The following AGBL1 variants were observed in gnomAD, a reference collection of about 807,000 sequenced individuals.
The protein encoded by AGBL1 is cytosolic carboxypeptidase 4.
In AGBL1, 130 loss-of-function variants were observed where a neutral mutation model predicts 118.9. The ratio of observed to expected loss-of-function variants is 1.09; its 90% confidence interval spans 0.95 to 1.26. The LOEUF (loss-of-function observed/expected upper bound fraction) is 1.26, where lower values mean the gene tolerates loss of function less well. Ranked by LOEUF, AGBL1 falls within the 50% of genes most tolerant of loss-of-function variation. AGBL1 has a pLI of 0.00. For missense variants in AGBL1, 1,584 were observed against 1,298.1 expected, an observed-to-expected ratio of 1.22 and a Z score of -3.38; for synonymous variants, 555 against 478.9, an observed-to-expected ratio of 1.16 and a Z score of -2.08.
chr15:86,828,776 T>C (rs1164947563), intron 22 of AGBL1, among the ~76,000 whole-genome samples: 1 of 151,846 alleles, frequency 6.6e-6, no homozygotes, highest in Non-Finnish European at 1.5e-5. Context: ...GCAATAGCCA[T>C]AAGAAAGGAA....
At chr15:86,469,774 C>G (rs138076393) in intron 18 of AGBL1, among the ~76,000 whole-genome samples, 3 of 152,136 alleles carry the variant, frequency 2.0e-5, no homozygotes, top group Non-Finnish European at 4.4e-5. Flanking sequence ...ACTATTCTCA[C>G]TGGTATGAGG....
intron 24 of AGBL1, among the ~76,000 whole-genome samples, chr15:87,004,135 A>AAAT (rs1364394719): frequency 6.6e-6 from 1 of 152,122 alleles, no homozygotes; most frequent in East Asian, 1.9e-4. Context: ...ACACTGCTTT[A>AAAT]AATATGTCCC....
intron 22 of AGBL1, among the ~76,000 whole-genome samples, chr15:86,782,185 G>A (rs184358407): frequency 6.6e-6 from 1 of 151,944 alleles, no homozygotes; most frequent in East Asian, 1.9e-4. Context: ...AATAATTAGA[G>A]CCTTAACTCT....
In AGBL1 at chr15:86,908,509, A is replaced by G. The variant is rs1371920176; in HGVS notation, c.*1215A>G. ...GGCAACAGAGCAAGACTCTGTCTCAAACAACAACAACAACAACGACGACAA... is the reference window on the plus strand; with the variant it reads ...GGCAACAGAGCAAGACTCTGTCTCAGACAACAACAACAACAACGACGACAA... On this transcript the variant is annotated 3_prime_UTR_variant, in exon 23 of 23. Coordinates refer to ENST00000614907, the MANE Select transcript of AGBL1 (RefSeq NM_001386094.1). 6.6e-6 allele frequency: 1 copy of G among 151,888 alleles called. No homozygotes were observed. Among genetic ancestry groups the G allele is most frequent in the African/African-American group, 2.4e-5 (1 of 41,216 alleles). 9.4% of individuals were successfully genotyped at this position (151,888 alleles called of 1,614,324 possible).
rs535470264 is a variant in AGBL1, at chr15:86,856,981, C to G, written c.3159-50106C>G. Among the ~76,000 whole-genome samples, 96 of 152,296 alleles carry G rather than the reference C, an allele frequency of 6.3e-4. 1 individual carries two copies. The highest frequency in any genetic ancestry group is 2.2e-3 in the African/African-American group (92 of 41,558). On this transcript the variant is annotated intron_variant, in intron 22 of 22. Coordinates refer to ENST00000614907, the MANE Select transcript of AGBL1 (RefSeq NM_001386094.1). ...GTGCTCTCTTCTGTGCCTACCTGGTCTTCTTCCAGTGGTCCTACGTCCCAG... is the reference window on the plus strand; with the variant it reads ...GTGCTCTCTTCTGTGCCTACCTGGTGTTCTTCCAGTGGTCCTACGTCCCAG...
chr15:86,098,554 A>G (rs1227421025), intron 1 of AGBL1, among the ~76,000 whole-genome samples: 1 of 152,148 alleles, frequency 6.6e-6, no homozygotes, highest in South Asian at 2.1e-4. Flanking sequence ...TCCCACCACC[A>G]TTTGTTGAAA....
At chr15:86,235,781 G>T (rs1211650732) in intron 6 of AGBL1, among the ~76,000 whole-genome samples, 1 of 152,208 alleles carries the variant, frequency 6.6e-6, no homozygotes, top group Non-Finnish European at 1.5e-5. Flanking sequence ...GCCCCAGAGG[G>T]AGCAATTAGC....
At chr15:86,942,785 A>G (rs1439789469) in intron 23 of AGBL1, among the ~76,000 whole-genome samples, 2 of 152,158 alleles carry the variant, frequency 1.3e-5, no homozygotes, top group Non-Finnish European at 1.5e-5. Flanking sequence ...ATTCTATTTC[A>G]TTCCAGTTCA....
intron 22 of AGBL1, among the ~76,000 whole-genome samples, chr15:86,901,138 G>A (rs1385787023): frequency 1.3e-5 from 2 of 151,978 alleles, no homozygotes; most frequent in Non-Finnish European, 1.5e-5. Context: ...ACCATTCGAT[G>A]GTTTTCCACA....
chr15:86,423,368 T>C lies in AGBL1; in HGVS notation c.2555+25822T>C, dbSNP rs564269583. Among the ~76,000 whole-genome samples the C allele has an allele frequency of 4.6e-5, 7 of 152,172 alleles. No homozygotes were observed. The South Asian group carries it at 1.5e-3, about 32-fold the overall frequency. On this transcript the variant is annotated intron_variant, in intron 18 of 22. Coordinates refer to ENST00000614907, the MANE Select transcript of AGBL1 (RefSeq NM_001386094.1). ...GATGCAGAAAAAGCCTTCAATAAAA[T>C]TCAACAACCTTTCATGCAAAAAACT...
chr15:86,364,976 T>TATATATACACACACAC (rs2080861010), intron 17 of AGBL1, among the ~76,000 whole-genome samples: 1 of 83,258 alleles, frequency 1.2e-5, no homozygotes, highest in African/African-American at 4.0e-5. Flanking sequence ...TATATATATA[T>TATATATACACACACAC]ATATATATAT....
At chr15:86,094,747 G>C (rs1319210236) in intron 1 of AGBL1, among the ~76,000 whole-genome samples, 1 of 152,200 alleles carries the variant, frequency 6.6e-6, no homozygotes, top group Non-Finnish European at 1.5e-5. Context: ...ACTATGATCT[G>C]TTTGTATCAA....
At chr15:86,814,150 C>G (rs559892308) in intron 22 of AGBL1, among the ~76,000 whole-genome samples, 1 of 152,182 alleles carries the variant, frequency 6.6e-6, no homozygotes, top group African/African-American at 2.4e-5. Flanking sequence ...AGTGAGCGAG[C>G]ATTACCGCCT....
intron 24 of AGBL1, among the ~76,000 whole-genome samples, chr15:87,016,880 G>C (rs1416337908): frequency 6.6e-6 from 1 of 152,162 alleles, no homozygotes; most frequent in Admixed American, 6.5e-5. Context: ...CCTTGGGTCT[G>C]ATACAGAGAG....
At chr15:86,415,764 CA>C (rs1445478191) in intron 18 of AGBL1, among the ~76,000 whole-genome samples, 3 of 152,122 alleles carry the variant, frequency 2.0e-5, no homozygotes, top group Non-Finnish European at 4.4e-5. Context: ...ATGCTTATCC[CA>C]ATTTCATCCA....
chr15:86,609,131 C>G (rs1378107089), intron 21 of AGBL1, among the ~76,000 whole-genome samples: 1 of 152,098 alleles, frequency 6.6e-6, no homozygotes, highest in Non-Finnish European at 1.5e-5. Flanking sequence ...CTGATCCAAC[C>G]CACACAAACC....
chr15:86,214,261 A>G (rs2141896380), intron 5 of AGBL1, among the ~76,000 whole-genome samples: 1 of 152,300 alleles, frequency 6.6e-6, no homozygotes, highest in Middle Eastern at 3.4e-3. Context: ...AGGATATCAC[A>G]TCTTTTCTTT....
intron 5 of AGBL1, among the ~76,000 whole-genome samples, chr15:86,185,920 T>G (rs1234922555): frequency 6.6e-6 from 1 of 152,122 alleles, no homozygotes; most frequent in Non-Finnish European, 1.5e-5. Flanking sequence ...AAAAATCGTT[T>G]CCAGTTTCTT....
intron 22 of AGBL1, among the ~76,000 whole-genome samples, chr15:86,743,554 G>GT (rs1418490664): frequency 6.6e-5 from 10 of 152,040 alleles, no homozygotes; most frequent in Non-Finnish European, 1.3e-4. Flanking sequence ...CATACACTGG[G>GT]GAGCGTTCTT....
Sources: gnomAD v4.1 joint callset for allele counts (sites outside exome capture counted in the v4.1 genomes callset) on GRCh38, gnomAD v4.1.1 for gene constraint, MANE v1.5 for transcripts, NCBI Gene and HGNC (gene_info 2026-07-23, HGNC 2026-07-21) for gene names.